The following SLC12A1 variants were observed in gnomAD, a reference collection of about 807,000 sequenced individuals.
SLC12A1 encodes the protein solute carrier family 12 member 1.
Under a neutral mutation model 130.4 loss-of-function variants are expected in SLC12A1, and 89 were observed. That is an observed-to-expected ratio of 0.68 (90% CI 0.58 to 0.81). The LOEUF (loss-of-function observed/expected upper bound fraction) is 0.81. Among genes scored for constraint, SLC12A1 ranks in the 40% least tolerant of loss-of-function variants. The pLI is 0.00. For missense variants in SLC12A1, 1,310 were observed against 1,336.4 expected (o/e 0.98, Z 0.31); for synonymous variants, 499 against 460.0 (o/e 1.08, Z -1.09).
intron 21 of SLC12A1, among the ~76,000 whole-genome samples, chr15:48,287,825 A>T (rs1814973205): frequency 6.6e-6 from 1 of 152,140 alleles, no homozygotes; most frequent in African/African-American, 2.4e-5. Flanking sequence ...TGTTTTACTT[A>T]TTGACTGTCA....
intron 19 of SLC12A1, among the ~76,000 whole-genome samples, chr15:48,272,639 G>C (rs1482374320): frequency 6.6e-6 from 1 of 152,058 alleles, no homozygotes; most frequent in Non-Finnish European, 1.5e-5. Context: ...TGTTGGCCAG[G>C]TTAGTCTTGA....
Position 48,230,404 on chromosome 15 carries a change from G to A in SLC12A1, c.876G>A (p.Ser292=), listed in dbSNP as rs147034737. The change falls in exon 7 of 27, where the codon TCG becomes TCA. Residue 292 remains serine (S), a synonymous_variant. Coordinates refer to ENST00000380993, the MANE Select transcript of SLC12A1 (RefSeq NM_000338.3). ...TVVDLLKESD[S]MMVDPTNDIR... is the part of the protein sequence containing the mutation. Reference sequence around the variant, plus strand: ...ATTTGTTTCCCCAGGAGAGTGATTCGATGATGGTGGATCCAACCAATGACA... The same window carrying A: ...ATTTGTTTCCCCAGGAGAGTGATTCAATGATGGTGGATCCAACCAATGACA... 4.1e-5 allele frequency: 66 copies of A among 1,609,846 alleles called. No homozygotes were observed. The highest frequency in any genetic ancestry group is 2.0e-4 in the African/African-American group (15 of 74,974).
At chr15:48,214,745 T>C (rs2141009484) in intron 2 of SLC12A1, among the ~76,000 whole-genome samples, 2 of 151,268 alleles carry the variant, frequency 1.3e-5, no homozygotes, top group South Asian at 4.2e-4. Context: ...TTTTAGATAA[T>C]TGAGTGGCAG....
At chr15:48,274,044 G>C (rs2041925654) in intron 19 of SLC12A1, among the ~76,000 whole-genome samples, 1 of 152,158 alleles carries the variant, frequency 6.6e-6, no homozygotes, top group African/African-American at 2.4e-5. Context: ...CCAGTATGTA[G>C]AGTTGCCATG....
intron 21 of SLC12A1, among the ~76,000 whole-genome samples, chr15:48,285,978 A>G (rs1209206481): frequency 6.6e-6 from 1 of 152,192 alleles, no homozygotes; most frequent in East Asian, 1.9e-4. Flanking sequence ...TTTATGCACG[A>G]ATGTCCTGTA....
At position 48,251,656 on chromosome 15, in the gene SLC12A1, CT is replaced by C. The variant is rs1057520304; in HGVS notation, c.1833del (p.Phe611LeufsTer32). 5 of 1,613,676 alleles carry C rather than the reference CT, an allele frequency of 3.1e-6. No homozygotes were observed. The Admixed American group carries it at 6.7e-5, about 22-fold the overall frequency. The part of the protein sequence containing the change: ...AYGIYNMWVS[L>X]FGAVLCCAVM... ...TGGAATTTACAACATGTGGGTATCT[CT>C]TTTTGGAGCTGTTTTGTGCTGTGCA... On this transcript the variant is annotated frameshift_variant, in exon 15 of 27. Transcript: ENST00000380993. LOFTEE classifies it high-confidence loss of function.
chr15:48,234,747 T>A, intron 8 of SLC12A1, 130 bp from the exon 9 acceptor site: 3 of 800,934 alleles, frequency 3.7e-6, no homozygotes, highest in Non-Finnish European at 5.8e-6. Flanking sequence ...AGTGAGACTC[T>A]GTCTCAAAAA....
chr15:48,220,154 G>GATAGATAA (rs2041189688), intron 2 of SLC12A1, among the ~76,000 whole-genome samples: 1 of 149,394 alleles, frequency 6.7e-6, no homozygotes, highest in Non-Finnish European at 1.5e-5. Context: ...TAGATAGATA[G>GATAGATAA]ATAGATAGAT....
At position 48,252,128 on chromosome 15, in the gene SLC12A1, G is replaced by A. The variant is rs375148475; in HGVS notation, c.1942+358G>A. 1.5e-4 allele frequency among the ~76,000 whole-genome samples: 22 copies of A among 151,096 alleles called. 1 individual carries two copies. The East Asian group carries it at 2.7e-3, about 19-fold the overall frequency. On this transcript the variant is annotated intron_variant, in intron 15 of 26. Coordinates refer to ENST00000380993, the MANE Select transcript of SLC12A1 (RefSeq NM_000338.3). The stretch of plus-strand genomic sequence containing the variant: ...TGAGGCAGGAGAATCACTTGAAACC[G>A]GAAGGCGGAGGTTGCAGTGAGCCGA...
At position 48,207,683 on chromosome 15, in the gene SLC12A1, C is replaced by A. The variant is rs762973439; in HGVS notation, c.-37C>A. 1 of 1,489,132 alleles carries A rather than the reference C, an allele frequency of 6.7e-7. No individual in the cohort carries two copies. The highest frequency in any genetic ancestry group is 2.3e-5 in the East Asian group (1 of 43,502). The allele number at this position is 1,489,132 out of a possible 1,614,324, so 92.2% of individuals were successfully genotyped here. A position where few individuals can be genotyped will look rare whatever the true frequency, so the allele number is the denominator to read the frequency against. On this transcript the variant is annotated 5_prime_UTR_variant, in exon 2 of 27. Transcript: ENST00000380993. Reference sequence around the variant, plus strand: ...ATATATAGATTTTTTAAAACAACCACAAAGTAGATAGCTCAGTAAAAAATC... The same window carrying A: ...ATATATAGATTTTTTAAAACAACCAAAAAGTAGATAGCTCAGTAAAAAATC...
At chr15:48,234,629 A>G (rs2041418505) in intron 8 of SLC12A1, among the ~76,000 whole-genome samples, 1 of 152,038 alleles carries the variant, frequency 6.6e-6, no homozygotes, top group Non-Finnish European at 1.5e-5. Flanking sequence ...CTGTAATCCC[A>G]GCTACTTGCG....
Position 48,270,405 on chromosome 15 carries a change from G to A in SLC12A1, c.2402+641G>A, listed in dbSNP as rs552058642. On this transcript the variant is annotated intron_variant, in intron 19 of 26. Coordinates refer to ENST00000380993, the MANE Select transcript of SLC12A1 (RefSeq NM_000338.3). ...CATTTAATTCTCATAAGAAGATTTCGAAGGAAGTACTAATATTTTTTCCCA... is the reference window on the plus strand; with the variant it reads ...CATTTAATTCTCATAAGAAGATTTCAAAGGAAGTACTAATATTTTTTCCCA... Among the ~76,000 whole-genome samples the A allele has an allele frequency of 1.2e-4, 18 of 151,916 alleles. No homozygotes were observed. The South Asian group carries it at 2.7e-3, about 23-fold the overall frequency.
intron 9 of SLC12A1, among the ~76,000 whole-genome samples, chr15:48,240,337 C>T (rs573477836): frequency 9.2e-5 from 14 of 151,682 alleles, no homozygotes; most frequent in South Asian, 6.2e-4. Context: ...GCCACACTGA[C>T]GACGACAATA....
intron 26 of SLC12A1, among the ~76,000 whole-genome samples, chr15:48,302,040 A>G (rs1413169191): frequency 6.6e-6 from 1 of 152,142 alleles, no homozygotes; most frequent in Non-Finnish European, 1.5e-5. Context: ...ACATTGTAGA[A>G]TGGTCTGCTG....
chr15:48,266,671 T>C (rs2041835017), intron 17 of SLC12A1, among the ~76,000 whole-genome samples: 1 of 152,066 alleles, frequency 6.6e-6, no homozygotes. Flanking sequence ...AAAATACAAA[T>C]CTCTCTATAA....
chr15:48,221,192 T>C (rs2041210668), intron 4 of SLC12A1, 196 bp downstream of exon 4: 1 of 654,824 alleles, frequency 1.5e-6, no homozygotes, highest in Non-Finnish European at 2.7e-6. Context: ...AACTGGAATT[T>C]TCCAGCTTGC....
At chr15:48,219,039 C>A (rs1398346011) in intron 2 of SLC12A1, among the ~76,000 whole-genome samples, 1 of 152,110 alleles carries the variant, frequency 6.6e-6, no homozygotes, top group Non-Finnish European at 1.5e-5. Context: ...AAAGTTTAAA[C>A]CCTTATTTAT....
chr15:48,289,455 A>AC (rs1566858055), intron 23 of SLC12A1, among the ~76,000 whole-genome samples: 34 of 123,970 alleles, frequency 2.7e-4, no homozygotes, highest in African/African-American at 1.0e-3. Context: ...TAACTGTATA[A>AC]TGTATAATGT....
At chr15:48,220,073 C>T (rs2041182185) in intron 2 of SLC12A1, among the ~76,000 whole-genome samples, 1 of 137,692 alleles carries the variant, frequency 7.3e-6, no homozygotes. Context: ...TGTGCCACTG[C>T]ACTCCAGCCT....
Sources: gnomAD v4.1 joint callset for allele counts (sites outside exome capture counted in the v4.1 genomes callset) on GRCh38, gnomAD v4.1.1 for gene constraint, MANE v1.5 for transcripts, NCBI Gene and HGNC (gene_info 2026-07-23, HGNC 2026-07-21) for gene names.